Variants in SAYSD1 observed in about 807,000 individuals in gnomAD.
SAYSD1 encodes SAYSVFN motif domain containing 1.
SAYSD1 carries 15 observed loss-of-function variants against 14.5 expected under a neutral mutation model. The observed-to-expected ratio is 1.03, with a 90% CI of 0.69 to 1.59. The LOEUF (loss-of-function observed/expected upper bound fraction) is 1.59, where lower values mean the gene tolerates loss of function less well. Among genes scored for constraint, SAYSD1 ranks in the 40% most tolerant of loss-of-function variants. The probability of loss-of-function intolerance (pLI) is 0.00; values close to 1 mark genes in which losing one functional copy is unlikely to be tolerated. For missense variants in SAYSD1, 247 were observed against 227.3 expected (o/e 1.09, Z -0.56); for synonymous variants, 105 against 102.6 (o/e 1.02, Z -0.14).
intron 1 of SAYSD1, 84 bp from the exon 2 acceptor site, chr6:39,105,860 T>C (rs888832672): frequency 7.8e-5 from 99 of 1,266,764 alleles, no homozygotes; most frequent in Non-Finnish European, 1.1e-4. Context: ...GCAGTTTTCA[T>C]TGCTCTGAGA....
intron 1 of SAYSD1, among the ~76,000 whole-genome samples, chr6:39,107,723 T>C (rs1407429361): frequency 1.3e-5 from 2 of 152,194 alleles, no homozygotes; most frequent in Non-Finnish European, 2.9e-5. Context: ...ATCAGCCACA[T>C]CCCTGACCCC....
At chr6:39,111,964 G>T (rs1769633743) in intron 1 of SAYSD1, 1 of 152,124 alleles carries the variant, frequency 6.6e-6, no homozygotes, top group South Asian at 2.1e-4. Flanking sequence ...AAAAATTAGG[G>T]AAGAGTTAGA....
At chr6:39,114,824 C>G (rs1465375708) in intron 1 of SAYSD1, 59 bp downstream of exon 1, 3 of 1,550,454 alleles carry the variant, frequency 1.9e-6, no homozygotes, top group Admixed American at 1.7e-5. Flanking sequence ...CAGCTAGGGC[C>G]GCGCCCTCGA....
rs1769475884 is a variant in SAYSD1, at chr6:39,105,351, C to A, written c.*81G>T. ...GCTAACCCGCAAGCTGCCCTTAGTC[C>A]TATACACCTGAAATCAAATCCATAG... On this transcript the variant is annotated 3_prime_UTR_variant, in exon 2 of 2. Coordinates refer to ENST00000229903, the MANE Select transcript of SAYSD1 (RefSeq NM_018322.3). The A allele has an allele frequency of 1.6e-6, 2 of 1,240,656 alleles. No homozygotes were observed. Among genetic ancestry groups the A allele is most frequent in the Admixed American group, 3.7e-5 (2 of 54,560 alleles). The allele number at this position is 1,240,656 out of a possible 1,614,324, so 76.9% of individuals were successfully genotyped here.
chr6:39,108,141 A>G (rs1769538461), intron 1 of SAYSD1, among the ~76,000 whole-genome samples: 1 of 152,234 alleles, frequency 6.6e-6, no homozygotes, highest in Admixed American at 6.5e-5. Flanking sequence ...TTTATCATTT[A>G]GGGAGTATAA....
In SAYSD1 at chr6:39,104,838, T is replaced by C. The variant is rs1370751708; in HGVS notation, c.*594A>G. On this transcript the variant is annotated 3_prime_UTR_variant, in exon 2 of 2. Coordinates refer to ENST00000229903, the MANE Select transcript of SAYSD1 (RefSeq NM_018322.3). ...CCTTTACTGAGTAGTGGCAAAATAATAGGAGAGTGGAAGATGGTGATGGGC... is the reference window on the plus strand; with the variant it reads ...CCTTTACTGAGTAGTGGCAAAATAACAGGAGAGTGGAAGATGGTGATGGGC... The C allele has an allele frequency of 6.5e-6, 1 of 152,700 alleles. No individual in the cohort carries two copies. Among genetic ancestry groups the C allele is most frequent in the African/African-American group, 2.4e-5 (1 of 41,258 alleles). The allele number at this position is 152,700 out of a possible 1,614,324, so 9.5% of individuals were successfully genotyped here. A position where few individuals can be genotyped will look rare whatever the true frequency, so the allele number is the denominator to read the frequency against.
chr6:39,110,339 C>A, intron 1 of SAYSD1: 1 of 206,506 alleles, frequency 4.8e-6, no homozygotes, highest in Non-Finnish European at 1.0e-5. Context: ...GACTGCTTTA[C>A]ATTTGGCCTG....
At position 39,105,431 on chromosome 6, in the gene SAYSD1, C is replaced by A. The variant is rs747592541; in HGVS notation, c.*1G>T. 5 of 1,613,452 alleles carry A rather than the reference C, an allele frequency of 3.1e-6. No homozygotes were observed. In the East Asian group the frequency reaches 1.1e-4, roughly 36 times the overall value. On this transcript the variant is annotated 3_prime_UTR_variant, in exon 2 of 2. Transcript: ENST00000229903. ...TAGCTGCATGACAGCACAGCTGGGT[C>A]CTATCTCCCTGCCAGGGGTCTCAAC...
At chr6:39,106,669 C>T (rs992436783) in intron 1 of SAYSD1, among the ~76,000 whole-genome samples, 3 of 152,208 alleles carry the variant, frequency 2.0e-5, no homozygotes, top group Admixed American at 1.3e-4. Flanking sequence ...TATCTCTTCC[C>T]TCCCCAAGCC....
intron 1 of SAYSD1, among the ~76,000 whole-genome samples, chr6:39,108,955 T>C (rs1199773336): frequency 6.6e-6 from 1 of 152,218 alleles, no homozygotes; most frequent in African/African-American, 2.4e-5. Context: ...CAAATGCAAG[T>C]TGTACAAGAG....
Position 39,115,039 on chromosome 6 carries a change from C to T in SAYSD1, c.51G>A (p.Leu17=). Residue 17 remains leucine (L), a synonymous_variant, in exon 1 of 2, where the codon CTG becomes CTA. Transcript: ENST00000229903. The part of the protein sequence containing the change: ...EFRAARKRAG[L]AAQPPAASQG... ...GACTGGCAGCAGGGGGTTGGGCCGCCAGACCCGCCCGTTTCCGCGCCGCCC... is the reference window on the plus strand; with the variant it reads ...GACTGGCAGCAGGGGGTTGGGCCGCTAGACCCGCCCGTTTCCGCGCCGCCC... 6.2e-7 allele frequency: 1 copy of T among 1,612,234 alleles called. No homozygotes were observed. The highest frequency in any genetic ancestry group is 8.5e-7 in the Non-Finnish European group (1 of 1,179,880).
chr6:39,105,889 T>C, intron 1 of SAYSD1, 113 bp from the exon 2 acceptor site: 1 of 872,310 alleles, frequency 1.1e-6, no homozygotes. Context: ...GGCTCATTGA[T>C]TTCTATTCTT....
intron 1 of SAYSD1, chr6:39,113,560 T>C (rs959688360): frequency 6.6e-6 from 1 of 152,644 alleles, no homozygotes; most frequent in Non-Finnish European, 1.5e-5. Flanking sequence ...AGGTCCAGCA[T>C]TTCCTCTCAT....
intron 1 of SAYSD1, among the ~76,000 whole-genome samples, chr6:39,107,284 C>A (rs77153553): frequency 0.014 from 2,150 of 152,294 alleles, 57 homozygotes; most frequent in African/African-American, 0.05. Context: ...AGGCAAGCAC[C>A]GTTCATGAAC....
intron 1 of SAYSD1, chr6:39,109,168 G>A (rs916108710): frequency 1.4e-5 from 11 of 795,976 alleles, no homozygotes; most frequent in Non-Finnish European, 1.7e-5. Flanking sequence ...TTGAGCAGAA[G>A]GCCAGCCTGA....
chr6:39,104,685 G>C lies in SAYSD1; in HGVS notation c.*747C>G, dbSNP rs1482215480. On this transcript the variant is annotated 3_prime_UTR_variant, in exon 2 of 2. Transcript: ENST00000229903. ...AAGAAACAACTCAAGCAGCCAACGG[G>C]TCTGGAGTTAACACTTCCAGCCCTC... is the stretch of plus-strand genomic sequence containing the variant. 6.6e-6 allele frequency: 1 copy of C among 151,942 alleles called. No homozygotes were observed. The highest frequency in any genetic ancestry group is 1.5e-5 in the Non-Finnish European group (1 of 68,030). 9.4% of individuals were successfully genotyped at this position (151,942 alleles called of 1,614,324 possible).
intron 1 of SAYSD1, among the ~76,000 whole-genome samples, chr6:39,107,674 A>G (rs995282149): frequency 1.3e-5 from 2 of 152,298 alleles, no homozygotes; most frequent in Non-Finnish European, 2.9e-5. Flanking sequence ...TTATCTTTTC[A>G]GTTAGATTAG....
Position 39,105,592 on chromosome 6 carries a change from AACAAGGACAGG to A in SAYSD1, c.381_391del (p.Ser129LeufsTer10), listed in dbSNP as rs1769485913. Reference sequence around the variant, plus strand: ...TCGTGTCCCGACGTACATCCAATAGAACAAGGACAGGACAAAATATGCCAGGCCAAATTCCA... The same window carrying A: ...TCGTGTCCCGACGTACATCCAATAGAACAAAATATGCCAGGCCAAATTCCA... On this transcript the variant is annotated frameshift_variant, in exon 2 of 2. Transcript: ENST00000229903. LOFTEE classifies it high-confidence loss of function. The A allele has an allele frequency of 6.2e-7, 1 of 1,614,056 alleles. No homozygotes were observed. The highest frequency in any genetic ancestry group is 1.1e-5 in the South Asian group (1 of 91,088).
In SAYSD1 at chr6:39,105,760, T is replaced by C. The variant is rs1245025670; in HGVS notation, c.224A>G (p.Gln75Arg). Residue 75 changes from glutamine (Q) to arginine (R), a missense_variant, in exon 2 of 2, where the codon CAG becomes CGG. Physicochemically the swap from Gln to Arg is conservative, Grantham distance 43 (BLOSUM62 1). Coordinates refer to ENST00000229903, the MANE Select transcript of SAYSD1 (RefSeq NM_018322.3). The stretch of plus-strand genomic sequence containing the variant: ...CCATGGTGTCTCTGATGTGCTGCCC[T>C]GGGGCTGAGCCGCTTCCTAGGATAC... ...PGLVQEAAQP[Q>R]GSTSETPWNT... 1.2e-6 allele frequency: 2 copies of C among 1,613,716 alleles called. No individual in the cohort carries two copies. The highest frequency in any genetic ancestry group is 1.3e-5 in the African/African-American group (1 of 74,916).
Sources: allele counts gnomAD v4.1 joint callset (sites outside exome capture counted in the v4.1 genomes callset), GRCh38; gene constraint gnomAD v4.1.1; transcripts MANE v1.5; gene names NCBI Gene and HGNC (gene_info 2026-07-23, HGNC 2026-07-21).